Variants in GABPB2 observed in about 807,000 individuals in gnomAD.
GABPB2 encodes GA binding protein transcription factor subunit beta 2.
GABPB2 carries 23 observed loss-of-function variants against 39.1 expected under a neutral mutation model. That is an observed-to-expected ratio of 0.59 (90% CI 0.42 to 0.83). GABPB2 has a LOEUF of 0.83. Ranked by LOEUF, GABPB2 falls within the 40% of genes least tolerant of loss-of-function variation. The pLI is 0.00. For synonymous variants in GABPB2, 184 were observed against 199.3 expected (o/e 0.92, Z 0.65); for missense variants, 467 against 541.1 (o/e 0.86, Z 1.36).
intron 7 of GABPB2, among the ~76,000 whole-genome samples, chr1:151,115,342 G>T (rs1323867750): frequency 1.3e-5 from 2 of 151,178 alleles, no homozygotes; most frequent in Non-Finnish European, 2.9e-5. Context: ...TGAATAATAA[G>T]AATGAAACTC....
In GABPB2 at chr1:151,082,392, CTTTTTTTTTTT is replaced by C. The variant is rs35044606; in HGVS notation, c.1-5781_1-5771del. On this transcript the variant is annotated intron_variant, in intron 1 of 8. Coordinates refer to ENST00000368918, the MANE Select transcript of GABPB2 (RefSeq NM_144618.3). ...GCGTCTGGCCAACAAGTGGTAATTTCTTTTTTTTTTTTTTTTTTTTTTTTTTTGAGACGGAG... is the reference window on the plus strand; with the variant it reads ...GCGTCTGGCCAACAAGTGGTAATTTCTTTTTTTTTTTTTTTTGAGACGGAG... Among the ~76,000 whole-genome samples, 4 of 48,000 alleles carry C rather than the reference CTTTTTTTTTTT, an allele frequency of 8.3e-5. No homozygotes were observed. In the Admixed American group the frequency reaches 1.5e-3, roughly 18 times the overall value. 31.5% of individuals were successfully genotyped at this position (48,000 alleles called of 152,430 possible). A position where few individuals can be genotyped will look rare whatever the true frequency, so the allele number is the denominator to read the frequency against.
chr1:151,074,746 G>A (rs1051215632), intron 1 of GABPB2, among the ~76,000 whole-genome samples: 1 of 152,066 alleles, frequency 6.6e-6, no homozygotes, highest in Non-Finnish European at 1.5e-5. Context: ...TCCTCTTGTC[G>A]CCATCTTGCT....
At chr1:151,077,269 G>C (rs1321697587) in intron 1 of GABPB2, among the ~76,000 whole-genome samples, 2 of 151,796 alleles carry the variant, frequency 1.3e-5, no homozygotes. Context: ...GGTAAGTAAA[G>C]AGTGTCACTT....
At chr1:151,111,527 AT>A (rs1434851624) in intron 7 of GABPB2, among the ~76,000 whole-genome samples, 1 of 150,952 alleles carries the variant, frequency 6.6e-6, no homozygotes, top group Non-Finnish European at 1.5e-5. Flanking sequence ...GGTTGACGCC[AT>A]TCTCCTGCCT....
intron 7 of GABPB2, among the ~76,000 whole-genome samples, chr1:151,108,709 A>T (rs1680159052): frequency 6.6e-6 from 1 of 152,150 alleles, no homozygotes; most frequent in Non-Finnish European, 1.5e-5. Flanking sequence ...GAGGCATTAC[A>T]TTAGTTGCTT....
intron 1 of GABPB2, among the ~76,000 whole-genome samples, chr1:151,073,934 A>G (rs587728278): frequency 1.3e-5 from 2 of 151,854 alleles, no homozygotes; most frequent in African/African-American, 4.8e-5. Context: ...GAAAGTAAAG[A>G]AAAAAAGAAT....
intron 1 of GABPB2, among the ~76,000 whole-genome samples, chr1:151,084,854 C>T (rs1349840856): frequency 6.6e-6 from 1 of 151,472 alleles, no homozygotes; most frequent in Non-Finnish European, 1.5e-5. Flanking sequence ...TTTTAAAAAA[C>T]ATACCTGCCA....
chr1:151,115,298 C>T (rs1289480888), intron 7 of GABPB2, among the ~76,000 whole-genome samples: 1 of 151,350 alleles, frequency 6.6e-6, no homozygotes, highest in Non-Finnish European at 1.5e-5. Flanking sequence ...GCAGAGGTTG[C>T]GGTGAGCCGA....
chr1:151,107,144 C>G lies in GABPB2; in HGVS notation c.844C>G (p.Leu282Val). 1.2e-6 allele frequency: 2 copies of G among 1,613,276 alleles called. No homozygotes were observed. Among genetic ancestry groups the G allele is most frequent in the South Asian group, 1.1e-5 (1 of 90,966 alleles). Reference sequence around the variant, plus strand: ...CACCATAGTGACTGATGGAGTCCCTCTGGGTAATATCCAAACTTCAATCCC... The same window carrying G: ...CACCATAGTGACTGATGGAGTCCCTGTGGGTAATATCCAAACTTCAATCCC... Reference protein sequence around the residue: ...VITIVTDGVPLGNIQTSIPTG... With the variant: ...VITIVTDGVPVGNIQTSIPTG... The change falls in exon 7 of 9, where the codon CTG (leucine) becomes GTG (valine). Residue 282 changes from leucine to valine, a missense_variant. By Grantham distance (32) the Leu-to-Val change is conservative. Transcript: ENST00000368918.
Position 151,118,533 on chromosome 1 carries a change from T to C in GABPB2, c.*277T>C, listed in dbSNP as rs1681054879. 3.1e-6 allele frequency: 1 copy of C among 323,520 alleles called. No individual in the cohort carries two copies. The highest frequency in any genetic ancestry group is 5.1e-5 in the East Asian group (1 of 19,674). The allele number at this position is 323,520 out of a possible 1,614,324, so 20.0% of individuals were successfully genotyped here. A position where few individuals can be genotyped will look rare whatever the true frequency, so the allele number is the denominator to read the frequency against. ...AGAAGTAAAAGAATACTGCATGTTGTGGGTTGATTTTTTTTTTTTAAATAA... is the reference window on the plus strand; with the variant it reads ...AGAAGTAAAAGAATACTGCATGTTGCGGGTTGATTTTTTTTTTTTAAATAA... On this transcript the variant is annotated 3_prime_UTR_variant, in exon 9 of 9. Coordinates refer to ENST00000368918, the MANE Select transcript of GABPB2 (RefSeq NM_144618.3).
rs12759273 is a variant in GABPB2, at chr1:151,072,548, C to A, written c.-1+1614C>A. On this transcript the variant is annotated intron_variant, in intron 1 of 8. Coordinates refer to ENST00000368918, the MANE Select transcript of GABPB2 (RefSeq NM_144618.3). ...TGGACCACAGAGTGAGGCCCTGTCT[C>A]TTTAAAAAACAAACAGGCCGGGCGT... is the stretch of plus-strand genomic sequence containing the variant. Among the ~76,000 whole-genome samples the A allele has an allele frequency of 5.6e-3, 852 of 152,094 alleles. 2 individuals carry two copies. Among genetic ancestry groups the A allele is most frequent in the Non-Finnish European group, 9.5e-3 (649 of 67,974 alleles).
intron 3 of GABPB2, among the ~76,000 whole-genome samples, chr1:151,092,027 C>G (rs2101496116): frequency 6.6e-6 from 1 of 151,294 alleles, no homozygotes; most frequent in South Asian, 2.1e-4. Flanking sequence ...GCACTCCTGG[C>G]CTCAAGCAAT....
chr1:151,096,658 C>T (rs1679119563), intron 4 of GABPB2, among the ~76,000 whole-genome samples: 1 of 152,020 alleles, frequency 6.6e-6, no homozygotes, highest in Non-Finnish European at 1.5e-5. Context: ...GAACAGATAT[C>T]CCTGGAAGCA....
intron 3 of GABPB2, among the ~76,000 whole-genome samples, chr1:151,092,454 C>T (rs776171382): frequency 1.3e-5 from 2 of 152,030 alleles, no homozygotes; most frequent in Admixed American, 6.6e-5. Flanking sequence ...GATCTCACTA[C>T]GTTGACCAGG....
rs943909309 is a variant in GABPB2 at position 151,120,482 on chromosome 1, C to G, written c.*2226C>G. 1 of 151,900 alleles carries G rather than the reference C, an allele frequency of 6.6e-6. No homozygotes were observed. The highest frequency in any genetic ancestry group is 2.1e-4 in the South Asian group (1 of 4,812). The allele number at this position is 151,900 out of a possible 1,614,324, so 9.4% of individuals were successfully genotyped here. A position where few individuals can be genotyped will look rare whatever the true frequency, so the allele number is the denominator to read the frequency against. On this transcript the variant is annotated 3_prime_UTR_variant, in exon 9 of 9. Transcript: ENST00000368918. ...CCGAGATGGCACCATTGCACTCCAA[C>G]CTGGGCAACAAGAGTGAAACTCAAT...
intron 1 of GABPB2, among the ~76,000 whole-genome samples, chr1:151,075,207 C>T (rs377536597): frequency 8.6e-5 from 13 of 151,272 alleles, no homozygotes; most frequent in African/African-American, 2.7e-4. Flanking sequence ...GAGGCTGAGG[C>T]GGGCAGAGGT....
At chr1:151,072,803 C>T (rs1272177064) in intron 1 of GABPB2, among the ~76,000 whole-genome samples, 2 of 152,142 alleles carry the variant, frequency 1.3e-5, no homozygotes, top group Non-Finnish European at 2.9e-5. Context: ...GACAAGATCG[C>T]GCCATTGTAC....
In GABPB2 at chr1:151,100,022, A is replaced by G. The variant is rs970923987; in HGVS notation, c.622+2020A>G. 5.6e-4 allele frequency among the ~76,000 whole-genome samples: 85 copies of G among 152,366 alleles called. 1 individual carries two copies. The highest frequency in any genetic ancestry group is 1.8e-3 in the African/African-American group (74 of 41,584). The stretch of plus-strand genomic sequence containing the variant: ...TTTTATAAGCTATCAACAGTTATTT[A>G]AAATAATTTTGCATTCAGCAGGATG... On this transcript the variant is annotated intron_variant, in intron 5 of 8. Transcript: ENST00000368918.
At chr1:151,105,305 G>A (rs1571964516) in intron 6 of GABPB2, among the ~76,000 whole-genome samples, 1 of 151,472 alleles carries the variant, frequency 6.6e-6, no homozygotes. Flanking sequence ...TGAAAATCTC[G>A]ATTCAACATA....
Sources: allele counts gnomAD v4.1 joint callset (sites outside exome capture counted in the v4.1 genomes callset), GRCh38; gene constraint gnomAD v4.1.1; transcripts MANE v1.5; gene names NCBI Gene and HGNC (gene_info 2026-07-23, HGNC 2026-07-21).